The following TEX9 variants were observed in gnomAD, a reference collection of about 807,000 sequenced individuals.
The protein encoded by TEX9 is testis-expressed protein 9.
Under a neutral mutation model 59.6 loss-of-function variants are expected in TEX9, and 74 were observed. That is an observed-to-expected ratio of 1.24 (90% confidence interval 1.03 to 1.51). TEX9 has a LOEUF of 1.51. Among genes scored for constraint, TEX9 ranks in the 40% most tolerant of loss-of-function variants. TEX9 has a pLI of 0.00. For synonymous variants in TEX9, 186 were observed against 152.2 expected, an observed-to-expected ratio of 1.22 and a Z score of -1.64; for missense variants, 522 against 447.8, an observed-to-expected ratio of 1.17 and a Z score of -1.49.
chr15:56,347,999 C>T (rs537784452), intron 1 of TEX9, among the ~76,000 whole-genome samples: 6 of 151,978 alleles, frequency 3.9e-5, no homozygotes, highest in Admixed American at 3.9e-4. Flanking sequence ...TAGAAAAGTG[C>T]ATGTATTTAT....
intron 1 of TEX9, among the ~76,000 whole-genome samples, chr15:56,357,326 T>C (rs1234276211): frequency 6.6e-6 from 1 of 152,208 alleles, no homozygotes; most frequent in Non-Finnish European, 1.5e-5. Context: ...TAATTGCTTC[T>C]TTGTAGGTTA....
At position 56,249,597 on chromosome 15, in the gene TEX9, G is replaced by A. The variant is rs529030785; in HGVS notation, c.-107+5319G>A. The stretch of plus-strand genomic sequence containing the variant: ...TACTAAAAATACAAAAATTAGCCGG[G>A]CATGATGGCAGGTGCCTGTAATCCC... On this transcript the variant is annotated intron_variant, in intron 1 of 5. Transcript: ENST00000560827. 2.0e-3 allele frequency among the ~76,000 whole-genome samples: 297 copies of A among 151,956 alleles called. 1 individual carries two copies. Among genetic ancestry groups the A allele is most frequent in the Admixed American group, 5.0e-3 (76 of 15,268 alleles).
chr15:56,298,718 A>G (rs2045272929), intron 1 of TEX9, among the ~76,000 whole-genome samples: 1 of 152,148 alleles, frequency 6.6e-6, no homozygotes, highest in South Asian at 2.1e-4. Flanking sequence ...ACTCTGGTTT[A>G]CCACTCTAAT....
intron 1 of TEX9, among the ~76,000 whole-genome samples, chr15:56,344,824 A>C (rs935704851): frequency 1.3e-5 from 2 of 151,864 alleles, no homozygotes; most frequent in Non-Finnish European, 2.9e-5. Flanking sequence ...AAAAATTAAG[A>C]ATACACTGGG....
chr15:56,302,131 A>G (rs1299370380), intron 1 of TEX9, among the ~76,000 whole-genome samples: 1 of 152,164 alleles, frequency 6.6e-6, no homozygotes, highest in Non-Finnish European at 1.5e-5. Flanking sequence ...TTAAGTTGTC[A>G]TTAGTTTAAA....
At chr15:56,444,524 CTT>C in intron 12 of TEX9, 2 of 1,511,574 alleles carry the variant, frequency 1.3e-6, no homozygotes, top group Non-Finnish European at 9.0e-7. Context: ...AAGCTTCCTG[CTT>C]TTTTTTTTCT....
At chr15:56,400,601 C>A (rs1163266464) in intron 9 of TEX9, among the ~76,000 whole-genome samples, 1 of 152,114 alleles carries the variant, frequency 6.6e-6, no homozygotes, top group Non-Finnish European at 1.5e-5. Context: ...CCTAGCAAGA[C>A]AGGACAACAT....
At chr15:56,402,951 C>T (rs554014675) in intron 9 of TEX9, among the ~76,000 whole-genome samples, 1 of 152,302 alleles carries the variant, frequency 6.6e-6, no homozygotes, top group East Asian at 1.9e-4. Context: ...ATGCTAAAAA[C>T]TTTCAATAAA....
chr15:56,270,322 G>C (rs999623066), intron 1 of TEX9, among the ~76,000 whole-genome samples: 5 of 152,118 alleles, frequency 3.3e-5, no homozygotes, highest in Non-Finnish European at 7.4e-5. Context: ...TTATGAATCT[G>C]GGTGCTCCTG....
chr15:56,286,331 A>G (rs1482772370), intron 1 of TEX9, among the ~76,000 whole-genome samples: 1 of 152,196 alleles, frequency 6.6e-6, no homozygotes, highest in Non-Finnish European at 1.5e-5. Flanking sequence ...ACCTCAGACT[A>G]AAATAACAGC....
At chr15:56,429,447 CTTCTACAAG>C in intron 12 of TEX9, 1 of 341,164 alleles carries the variant, frequency 2.9e-6, no homozygotes, top group Non-Finnish European at 5.2e-6. Context: ...AATCTGAGCT[CTTCTACAAG>C]TTCTACTGCT....
chr15:56,425,750 A>G (rs2050206963), intron 10 of TEX9, among the ~76,000 whole-genome samples: 1 of 152,006 alleles, frequency 6.6e-6, no homozygotes, highest in African/African-American at 2.4e-5. Context: ...TGTTCCTTTA[A>G]TATGGTCCAT....
the TEX9 span, chr15:56,456,548 T>C: frequency 2.5e-6 from 4 of 1,603,816 alleles, no homozygotes; most frequent in Non-Finnish European, 3.4e-6. Flanking sequence ...ACTTCGTTGT[T>C]TGTCCTCTAG....
At chr15:56,402,716 T>C (rs2048859041) in intron 9 of TEX9, among the ~76,000 whole-genome samples, 1 of 152,176 alleles carries the variant, frequency 6.6e-6, no homozygotes, top group Non-Finnish European at 1.5e-5. Flanking sequence ...CTGATGAACA[T>C]TGATGCAAAA....
At chr15:56,458,295 T>A in the TEX9 span, among the ~76,000 whole-genome samples, 2 of 152,010 alleles carry the variant, frequency 1.3e-5, no homozygotes, top group Admixed American at 6.6e-5. Context: ...TTAAAAAAAA[T>A]AGACTTTGAA....
intron 1 of TEX9, among the ~76,000 whole-genome samples, chr15:56,322,735 A>G (rs1267746921): frequency 6.6e-6 from 1 of 152,200 alleles, no homozygotes; most frequent in Non-Finnish European, 1.5e-5. Flanking sequence ...ATCCAGAGTC[A>G]AAGTTTTGCC....
chr15:56,281,101 A>G (rs768127876), intron 1 of TEX9, among the ~76,000 whole-genome samples: 2 of 152,148 alleles, frequency 1.3e-5, no homozygotes, highest in Non-Finnish European at 2.9e-5. Flanking sequence ...TTACTTGCAT[A>G]TTGTCTTCAG....
upstream of TEX9, chr15:56,365,304 G>C (rs548683476): frequency 7.2e-6 from 8 of 1,108,738 alleles, no homozygotes; most frequent in African/African-American, 3.2e-5. Flanking sequence ...AGCAAAGGCC[G>C]AGCCCGCTGC....
At chr15:56,441,742 C>T (rs2050817379) in intron 12 of TEX9, among the ~76,000 whole-genome samples, 1 of 152,098 alleles carries the variant, frequency 6.6e-6, no homozygotes, top group Non-Finnish European at 1.5e-5. Context: ...TGGCCAGGCA[C>T]GGTGGCTCAC....
Sources: gnomAD v4.1 joint callset for allele counts (sites outside exome capture counted in the v4.1 genomes callset) on GRCh38, gnomAD v4.1.1 for gene constraint, MANE v1.5 for transcripts, NCBI Gene and HGNC (gene_info 2026-07-23, HGNC 2026-07-21) for gene names.